Variants in KLF12 observed in about 807,000 individuals in gnomAD.
The protein encoded by KLF12 is KLF transcription factor 12.
In KLF12, 9 loss-of-function variants were observed where a neutral mutation model predicts 37.8. That is an observed-to-expected ratio of 0.24 (90% confidence interval 0.14 to 0.42). The LOEUF (loss-of-function observed/expected upper bound fraction) is 0.42, where lower values mean the gene tolerates loss of function less well. Ranked by LOEUF, KLF12 falls within the 10% of genes least tolerant of loss-of-function variation. The probability of loss-of-function intolerance (pLI) is 1.00; values close to 1 mark genes in which losing one functional copy is unlikely to be tolerated. For synonymous variants in KLF12, 208 were observed against 202.1 expected (o/e 1.03, Z -0.25); for missense variants, 411 against 516.0 (o/e 0.80, Z 1.97).
chr13:74,226,293 C>T, the KLF12 span, among the ~76,000 whole-genome samples: 2 of 152,052 alleles, frequency 1.3e-5, no homozygotes, highest in Non-Finnish European at 1.5e-5. Flanking sequence ...CAAGAATGGG[C>T]AGGACTTGCT....
At chr13:74,030,194 TTAGCCAGTATGG>T (rs1893078520) in intron 1 of KLF12, among the ~76,000 whole-genome samples, 1 of 152,080 alleles carries the variant, frequency 6.6e-6, no homozygotes. Context: ...ATATTTTGTT[TTAGCCAGTATGG>T]TAGCCAGGAC....
chr13:73,840,687 A>G (rs186867311), intron 4 of KLF12, among the ~76,000 whole-genome samples: 5 of 152,234 alleles, frequency 3.3e-5, no homozygotes, highest in African/African-American at 1.2e-4. Context: ...TGGTTCAACG[A>G]TTTTTGTAAA....
the KLF12 span, among the ~76,000 whole-genome samples, chr13:74,290,955 A>C: frequency 6.6e-6 from 1 of 152,256 alleles, no homozygotes; most frequent in African/African-American, 2.4e-5. Flanking sequence ...TTCTAGAAAG[A>C]GTATGCTTAG....
At position 73,711,780 on chromosome 13, in the gene KLF12, C is replaced by A. The variant is rs143687845; in HGVS notation, c.1027+3588G>T. On this transcript the variant is annotated intron_variant, in intron 7 of 7. Coordinates refer to ENST00000377669, the MANE Select transcript of KLF12 (RefSeq NM_007249.5). The stretch of plus-strand genomic sequence containing the variant: ...AGTCATTTTGACTTTTAAGTCTTAT[C>A]ATTTAAGAAATACATTTCGTAAGAC... 3.3e-3 allele frequency among the ~76,000 whole-genome samples: 500 copies of A among 152,286 alleles called. 1 individual carries two copies. Among genetic ancestry groups the A allele is most frequent in the Admixed American group, 7.7e-3 (118 of 15,280 alleles).
intron 6 of KLF12, among the ~76,000 whole-genome samples, chr13:73,738,112 TATATATATATATACACACAC>T (rs1420651323): frequency 9.4e-5 from 7 of 74,758 alleles, no homozygotes; most frequent in African/African-American, 3.9e-4. Context: ...TATATATATA[TATATATATATATACACACAC>T]ACACATATAT....
At chr13:73,759,210 G>T (rs963989794) in intron 6 of KLF12, among the ~76,000 whole-genome samples, 7 of 152,020 alleles carry the variant, frequency 4.6e-5, no homozygotes, top group African/African-American at 1.7e-4. Flanking sequence ...AAACCTAAAG[G>T]TAACCTTCTG....
intron 1 of KLF12, among the ~76,000 whole-genome samples, chr13:74,120,379 G>A (rs753468972): frequency 8.5e-5 from 13 of 152,196 alleles, no homozygotes; most frequent in East Asian, 3.9e-4. Flanking sequence ...ACTCAGGAGC[G>A]TGAGCCATGA....
intron 3 of KLF12, among the ~76,000 whole-genome samples, chr13:73,873,802 G>A (rs1431353479): frequency 2.6e-5 from 4 of 152,014 alleles, no homozygotes; most frequent in African/African-American, 9.7e-5. Context: ...TCTGTAATAT[G>A]TATTAATATG....
the KLF12 span, among the ~76,000 whole-genome samples, chr13:74,243,063 C>T: frequency 6.6e-6 from 1 of 152,124 alleles, no homozygotes; most frequent in South Asian, 2.1e-4. Flanking sequence ...AGGTTTTAAG[C>T]CCTGTAGGCA....
the KLF12 span, among the ~76,000 whole-genome samples, chr13:74,217,683 C>T: frequency 2.6e-5 from 4 of 152,198 alleles, no homozygotes; most frequent in South Asian, 6.2e-4. Context: ...GCCGAGATTG[C>T]GCCACCGCAC....
chr13:74,078,305 A>G (rs1874684518), intron 1 of KLF12, among the ~76,000 whole-genome samples: 1 of 152,232 alleles, frequency 6.6e-6, no homozygotes, highest in Non-Finnish European at 1.5e-5. Flanking sequence ...TCTGCAAATT[A>G]CTTGATCCCA....
the KLF12 span, among the ~76,000 whole-genome samples, chr13:74,142,333 C>T: frequency 6.6e-5 from 10 of 152,310 alleles, no homozygotes; most frequent in Admixed American, 5.9e-4. Flanking sequence ...ATATAAGCTG[C>T]GTTTGCATTT....
rs151322560 is a variant in KLF12, at chr13:73,803,889, T to A, written c.806+9263A>T. 6.7e-4 allele frequency among the ~76,000 whole-genome samples: 102 copies of A among 152,204 alleles called. 3 individuals are homozygous for A. In the East Asian group the frequency reaches 0.018, roughly 26 times the overall value. ...TAAGTAACACTAGTCATATCCATGATGATGTAAATGGCACACTTTGGGGTG... is the reference window on the plus strand; with the variant it reads ...TAAGTAACACTAGTCATATCCATGAAGATGTAAATGGCACACTTTGGGGTG... On this transcript the variant is annotated intron_variant, in intron 5 of 7. Transcript: ENST00000377669.
the KLF12 span, among the ~76,000 whole-genome samples, chr13:74,173,107 T>C: frequency 6.6e-6 from 1 of 152,162 alleles, no homozygotes; most frequent in Admixed American, 6.5e-5. Flanking sequence ...AAAAATAGAA[T>C]AAATGCTTCC....
chr13:74,127,364 T>C (rs994993590), intron 1 of KLF12, among the ~76,000 whole-genome samples: 3 of 152,176 alleles, frequency 2.0e-5, no homozygotes, highest in Admixed American at 6.5e-5. Context: ...AAGACCATGA[T>C]AGGGGCATTT....
intron 3 of KLF12, among the ~76,000 whole-genome samples, chr13:73,929,801 C>T (rs1429720651): frequency 2.6e-5 from 4 of 152,194 alleles, no homozygotes; most frequent in Admixed American, 1.3e-4. Context: ...TGCAGGCAGC[C>T]TTACATTGCT....
the KLF12 span, among the ~76,000 whole-genome samples, chr13:74,286,640 G>A: frequency 1.3e-5 from 2 of 152,244 alleles, no homozygotes; most frequent in South Asian, 2.1e-4. Context: ...CTGACATCAC[G>A]TTTACAGGGA....
chr13:73,807,467 T>C (rs1882707539), intron 5 of KLF12, among the ~76,000 whole-genome samples: 1 of 152,192 alleles, frequency 6.6e-6, no homozygotes, highest in African/African-American at 2.4e-5. Flanking sequence ...ACTAGTTGTT[T>C]TTCTTTAAGA....
intron 4 of KLF12, among the ~76,000 whole-genome samples, chr13:73,832,487 TA>T (rs1418447154): frequency 2.6e-5 from 4 of 152,196 alleles, no homozygotes; most frequent in East Asian, 1.9e-4. Flanking sequence ...CGGAGATGAT[TA>T]GGGGGAGCCC....
Sources: gnomAD v4.1 joint callset for allele counts (sites outside exome capture counted in the v4.1 genomes callset) on GRCh38, gnomAD v4.1.1 for gene constraint, MANE v1.5 for transcripts, NCBI Gene and HGNC (gene_info 2026-07-23, HGNC 2026-07-21) for gene names.